Variants in HMG20A observed in about 807,000 individuals in gnomAD.
HMG20A encodes the protein high mobility group protein 20A.
In HMG20A, 17 loss-of-function variants were observed where a neutral mutation model predicts 43.9. The ratio of observed to expected loss-of-function variants is 0.39; its 90% CI spans 0.27 to 0.58. The LOEUF (loss-of-function observed/expected upper bound fraction) is 0.58. Among genes scored for constraint, HMG20A ranks in the 20% least tolerant of loss-of-function variants. The pLI, the probability that HMG20A is intolerant of heterozygous loss-of-function variation, is 0.59. For synonymous variants in HMG20A, 132 were observed against 147.5 expected (o/e 0.89, Z 0.76); for missense variants, 341 against 438.2 (o/e 0.78, Z 1.98).
chr15:77,477,699 C>T (rs1006568500), intron 7 of HMG20A, 69 bp downstream of exon 7: 2 of 1,062,130 alleles, frequency 1.9e-6, no homozygotes, highest in East Asian at 2.4e-5. Context: ...AGAAGAAATT[C>T]ATTGCTCAAA....
intron 4 of HMG20A, among the ~76,000 whole-genome samples, chr15:77,470,102 A>C (rs1302151024): frequency 1.3e-5 from 2 of 152,160 alleles, no homozygotes; most frequent in Non-Finnish European, 1.5e-5. Context: ...TTGGTGCTTA[A>C]ATTGTACCAG....
intron 1 of HMG20A, among the ~76,000 whole-genome samples, chr15:77,432,964 T>A (rs1463017181): frequency 6.6e-6 from 1 of 152,148 alleles, no homozygotes; most frequent in Non-Finnish European, 1.5e-5. Flanking sequence ...AAATTTTAGA[T>A]GAAATGGACA....
intron 1 of HMG20A, among the ~76,000 whole-genome samples, chr15:77,455,783 A>T (rs2072648581): frequency 6.6e-6 from 1 of 152,226 alleles, no homozygotes. Context: ...CTACATGTGA[A>T]GGGCTTTTGG....
At chr15:77,451,224 C>A (rs1430098459) in intron 1 of HMG20A, among the ~76,000 whole-genome samples, 2 of 152,294 alleles carry the variant, frequency 1.3e-5, no homozygotes, top group African/African-American at 4.8e-5. Context: ...CTATAAACAT[C>A]TGTGTGCAGG....
At chr15:77,487,451 T>TC (rs1426627069), downstream of HMG20A, among the ~76,000 whole-genome samples, 2 of 152,210 alleles carry the variant, frequency 1.3e-5, no homozygotes, top group African/African-American at 4.8e-5. Flanking sequence ...ACCATGTACT[T>TC]CCGTGATACT....
At chr15:77,444,108 C>T (rs980230931) in intron 1 of HMG20A, among the ~76,000 whole-genome samples, 1 of 152,132 alleles carries the variant, frequency 6.6e-6, no homozygotes, top group Non-Finnish European at 1.5e-5. Flanking sequence ...CTTTCACATT[C>T]TTTTATTGTA....
At chr15:77,439,697 G>T (rs983448294) in intron 1 of HMG20A, among the ~76,000 whole-genome samples, 1 of 152,076 alleles carries the variant, frequency 6.6e-6, no homozygotes, top group Non-Finnish European at 1.5e-5. Flanking sequence ...ATGAACATTC[G>T]CATACATGTC....
At chr15:77,487,135 G>C (rs538942401), downstream of HMG20A, among the ~76,000 whole-genome samples, 21 of 152,270 alleles carry the variant, frequency 1.4e-4, 1 homozygote, top group South Asian at 4.1e-3. Flanking sequence ...ACCTAGCTGA[G>C]TCAGGGCCCT....
intron 1 of HMG20A, among the ~76,000 whole-genome samples, chr15:77,435,857 T>C (rs1468015969): frequency 6.6e-6 from 1 of 152,074 alleles, no homozygotes; most frequent in East Asian, 1.9e-4. Context: ...CACCACGCAT[T>C]CCTGGCTCTC....
intron 6 of HMG20A, among the ~76,000 whole-genome samples, chr15:77,476,748 C>T (rs1325080228): frequency 3.3e-5 from 5 of 152,130 alleles, no homozygotes; most frequent in Admixed American, 2.6e-4. Flanking sequence ...ATGCTTTCAA[C>T]TTCAAATTCA....
At chr15:77,438,766 A>G (rs2073577754) in intron 1 of HMG20A, among the ~76,000 whole-genome samples, 1 of 152,162 alleles carries the variant, frequency 6.6e-6, no homozygotes, top group Non-Finnish European at 1.5e-5. Flanking sequence ...AAACCAGATA[A>G]ATTTCATTTC....
the HMG20A span, among the ~76,000 whole-genome samples, chr15:77,503,288 T>C: frequency 6.6e-6 from 1 of 152,180 alleles, no homozygotes; most frequent in African/African-American, 2.4e-5. Context: ...CAAAATCTGG[T>C]ATCAAAACCA....
rs553755986 is a variant in HMG20A, at chr15:77,446,435, T to G, written c.-4-11969T>G. Among the ~76,000 whole-genome samples, 12 of 152,150 alleles carry G rather than the reference T, an allele frequency of 7.9e-5. No individual in the cohort carries two copies. The East Asian group carries it at 2.3e-3, about 29-fold the overall frequency. On this transcript the variant is annotated intron_variant, in intron 1 of 9. Transcript: ENST00000336216. Reference sequence around the variant, plus strand: ...TGTTTTTCAACTTTAAAAAAAAAACTCGTGTCTCCTCTTGATAAATACATA... The same window carrying G: ...TGTTTTTCAACTTTAAAAAAAAAACGCGTGTCTCCTCTTGATAAATACATA...
chr15:77,481,770 G>T (rs2072907262), intron 9 of HMG20A, among the ~76,000 whole-genome samples: 1 of 152,120 alleles, frequency 6.6e-6, no homozygotes, highest in African/African-American at 2.4e-5. Flanking sequence ...ACTAACAATA[G>T]ATGGTTCCCC....
Position 77,467,175 on chromosome 15 carries a change from C to G in HMG20A, c.318C>G (p.Pro106=), listed in dbSNP as rs768848117. ...GAGACAGCAATGCACCCAAATCCCCCCTTACAGGATATGTTCGGTTCATGA... is the reference window on the plus strand; with the variant it reads ...GAGACAGCAATGCACCCAAATCCCCGCTTACAGGATATGTTCGGTTCATGA... The part of the protein sequence containing the change: ...PLRDSNAPKS[P]LTGYVRFMNE... The change falls in exon 4 of 10, where the codon CCC becomes CCG. Residue 106 remains proline, a synonymous_variant. Coordinates refer to ENST00000336216, the MANE Select transcript of HMG20A (RefSeq NM_001304504.2). The G allele has an allele frequency of 8.1e-6, 13 of 1,613,938 alleles. No individual in the cohort carries two copies. The highest frequency in any genetic ancestry group is 6.7e-5 in the East Asian group (3 of 44,888).
chr15:77,461,110 A>G lies in HMG20A; in HGVS notation c.89+2614A>G, dbSNP rs190487984. The stretch of plus-strand genomic sequence containing the variant: ...GTCCTAGAACCCAAGTGAAAAAAAA[A>G]AAGTATTTCAAGGGAGGGGAAAAGA... On this transcript the variant is annotated intron_variant, in intron 2 of 9. Coordinates refer to ENST00000336216, the MANE Select transcript of HMG20A (RefSeq NM_001304504.2). Among the ~76,000 whole-genome samples the G allele has an allele frequency of 4.2e-3, 644 of 152,290 alleles. 2 individuals are homozygous for G. Among genetic ancestry groups the G allele is most frequent in the Middle Eastern group, 0.017 (5 of 294 alleles).
At chr15:77,431,582 T>G (rs746047119) in intron 1 of HMG20A, among the ~76,000 whole-genome samples, 45 of 152,322 alleles carry the variant, frequency 3.0e-4, no homozygotes, top group African/African-American at 9.4e-4. Flanking sequence ...TTTTGAAATA[T>G]GTATACATTG....
chr15:77,477,714 A>T, intron 7 of HMG20A, 84 bp downstream of exon 7: 2 of 901,098 alleles, frequency 2.2e-6, no homozygotes, highest in Non-Finnish European at 1.8e-6. Context: ...CTCAAAAGCA[A>T]TGGTAGTGTT....
At chr15:77,455,078 A>G (rs1382231158) in intron 1 of HMG20A, among the ~76,000 whole-genome samples, 1 of 151,844 alleles carries the variant, frequency 6.6e-6, no homozygotes, top group African/African-American at 2.4e-5. Flanking sequence ...AAGTAAGAAA[A>G]GGGCACTTGA....
Sources: allele counts gnomAD v4.1 joint callset (sites outside exome capture counted in the v4.1 genomes callset), GRCh38; gene constraint gnomAD v4.1.1; transcripts MANE v1.5; gene names NCBI Gene and HGNC (gene_info 2026-07-23, HGNC 2026-07-21).